DNAJA1: variants seen among roughly 807,000 people sequenced by gnomAD.
DNAJA1 encodes the protein DnaJ heat shock protein family (Hsp40) member A1, also known as dnaJ homolog subfamily A member 1.
Under a neutral mutation model 47.6 loss-of-function variants are expected in DNAJA1, and 26 were observed. That is an observed-to-expected ratio of 0.55 (90% CI 0.40 to 0.76). The LOEUF is 0.76. DNAJA1 is among the 30% of genes least tolerant of loss of function. The probability of loss-of-function intolerance (pLI) is 0.00; values close to 1 mark genes in which losing one functional copy is unlikely to be tolerated. For synonymous variants in DNAJA1, 165 were observed against 158.4 expected (o/e 1.04, Z -0.31); for missense variants, 315 against 485.0 (o/e 0.65, Z 3.29).
In DNAJA1 at chr9:33,038,995, T is replaced by C. The variant is rs758568855; in HGVS notation, c.*92T>C. The C allele has an allele frequency of 1.6e-6, 2 of 1,212,898 alleles. No homozygotes were observed. Among genetic ancestry groups the C allele is most frequent in the South Asian group, 2.7e-5 (2 of 73,446 alleles). 75.1% of individuals were successfully genotyped at this position (1,212,898 alleles called of 1,614,324 possible). On this transcript the variant is annotated 3_prime_UTR_variant, in exon 9 of 9. Transcript: ENST00000330899. Reference sequence around the variant, plus strand: ...TCATAATATGCTCACTACTTGCTCTTGTTTTTGTTTTAATAAACTATAGTA... The same window carrying C: ...TCATAATATGCTCACTACTTGCTCTCGTTTTTGTTTTAATAAACTATAGTA...
chr9:33,032,522 GTCATT>G (rs1838976477), intron 5 of DNAJA1, among the ~76,000 whole-genome samples: 1 of 152,174 alleles, frequency 6.6e-6, no homozygotes, highest in South Asian at 2.1e-4. Flanking sequence ...CTTGTTATGT[GTCATT>G]TCATTTAAAG....
intron 1 of DNAJA1, 39 bp from the exon 2 acceptor site, chr9:33,026,436 C>A: frequency 1.3e-6 from 2 of 1,574,258 alleles, no homozygotes; most frequent in South Asian, 2.4e-5. Context: ...TAAAAGCTAC[C>A]AGTTGAAAGC....
rs150851611 is a variant in DNAJA1 at position 33,028,362 on chromosome 9, C to G, written c.310+1372C>G. 7.2e-5 allele frequency among the ~76,000 whole-genome samples: 11 copies of G among 152,214 alleles called. No homozygotes were observed. In the East Asian group the frequency reaches 2.1e-3, roughly 29 times the overall value. On this transcript the variant is annotated intron_variant, in intron 3 of 8. Transcript: ENST00000330899. ...ATACTGCTTATAGGAGTAAAATGTTCAAGAGAAATCAGTCTCACTTTATTT... is the reference window on the plus strand; with the variant it reads ...ATACTGCTTATAGGAGTAAAATGTTGAAGAGAAATCAGTCTCACTTTATTT...
chr9:33,031,244 C>G (rs1248107769), intron 5 of DNAJA1, among the ~76,000 whole-genome samples: 1 of 152,046 alleles, frequency 6.6e-6, no homozygotes, highest in Non-Finnish European at 1.5e-5. Context: ...TTACAGGCAC[C>G]CAGCACCATG....
At chr9:33,027,762 A>G (rs1479237378) in intron 3 of DNAJA1, among the ~76,000 whole-genome samples, 1 of 152,008 alleles carries the variant, frequency 6.6e-6, no homozygotes, top group Non-Finnish European at 1.5e-5. Context: ...AGGCAGGAGA[A>G]TCGCTTGAAC....
At chr9:33,030,057 G>C (rs1838936667) in intron 4 of DNAJA1, 68 bp downstream of exon 4, 1 of 1,419,454 alleles carries the variant, frequency 7.0e-7, no homozygotes, top group Admixed American at 1.8e-5. Context: ...TGAAAATGGA[G>C]CTAAGACTTC....
At chr9:33,035,854 G>C (rs1027428130) in intron 6 of DNAJA1, among the ~76,000 whole-genome samples, 1 of 152,160 alleles carries the variant, frequency 6.6e-6, no homozygotes, top group Non-Finnish European at 1.5e-5. Context: ...AATATGAAAG[G>C]CTGTGTTCAC....
In DNAJA1 at chr9:33,039,022, T is replaced by C; in HGVS notation, c.*119T>C. The C allele has an allele frequency of 9.8e-7, 1 of 1,020,898 alleles. No homozygotes were observed. The highest frequency in any genetic ancestry group is 2.6e-5 in the East Asian group (1 of 38,106). 63.2% of individuals were successfully genotyped at this position (1,020,898 alleles called of 1,614,324 possible). A position where few individuals can be genotyped will look rare whatever the true frequency, so the allele number is the denominator to read the frequency against. On this transcript the variant is annotated 3_prime_UTR_variant, in exon 9 of 9. Transcript: ENST00000330899. ...TTTTTGTTTTAATAAACTATAGTAG[T>C]GTTTTAAAAAGTTAAATGAAGAATA... is the stretch of plus-strand genomic sequence containing the variant.
At chr9:33,032,224 C>G (rs1225326996) in intron 5 of DNAJA1, among the ~76,000 whole-genome samples, 1 of 152,248 alleles carries the variant, frequency 6.6e-6, no homozygotes. Flanking sequence ...ATACTGGCCT[C>G]TCTGACCCCC....
At chr9:33,035,478 AT>A (rs1003318471) in intron 6 of DNAJA1, among the ~76,000 whole-genome samples, 1 of 151,788 alleles carries the variant, frequency 6.6e-6, no homozygotes, top group Non-Finnish European at 1.5e-5. Context: ...TTATTTATTT[AT>A]TTTTTTTGAG....
intron 3 of DNAJA1, among the ~76,000 whole-genome samples, chr9:33,027,980 G>A (rs993213888): frequency 3.0e-5 from 4 of 132,744 alleles, no homozygotes; most frequent in African/African-American, 1.2e-4. Flanking sequence ...AGCTGAGATC[G>A]CCCAATTACA....
At chr9:33,032,499 G>GA (rs775592920) in intron 5 of DNAJA1, among the ~76,000 whole-genome samples, 1 of 152,040 alleles carries the variant, frequency 6.6e-6, no homozygotes, top group Non-Finnish European at 1.5e-5. Flanking sequence ...CAGCTGAGGG[G>GA]AAAAAAATTG....
chr9:33,033,120 A>C (rs1838985073), intron 5 of DNAJA1, among the ~76,000 whole-genome samples: 2 of 151,828 alleles, frequency 1.3e-5, no homozygotes, highest in South Asian at 4.2e-4. Flanking sequence ...ACCCTTACTG[A>C]ACTAAAATAT....
intron 3 of DNAJA1, among the ~76,000 whole-genome samples, chr9:33,028,144 G>C (rs1333816009): frequency 2.0e-5 from 3 of 151,892 alleles, no homozygotes; most frequent in Admixed American, 6.6e-5. Context: ...GGTAGGTACA[G>C]TGGCCTTTTT....
chr9:33,032,960 A>G lies in DNAJA1; in HGVS notation c.644-1256A>G, dbSNP rs546823519. On this transcript the variant is annotated intron_variant, in intron 5 of 8. Transcript: ENST00000330899. ...CTGTTGGCTCTGTTTATACAGGATT[A>G]ATATTTTCCATACGTAAAGGTGAAA... 9.9e-5 allele frequency among the ~76,000 whole-genome samples: 15 copies of G among 152,252 alleles called. No homozygotes were observed. The South Asian group carries it at 3.1e-3, about 32-fold the overall frequency.
chr9:33,028,942 G>T lies in DNAJA1; in HGVS notation c.311-943G>T, dbSNP rs117032464. ...GAAACGAGTTTGAGAACTTTTTTCA[G>T]TTGGTGGAAAGGCAATAATATTGTT... is the stretch of plus-strand genomic sequence containing the variant. On this transcript the variant is annotated intron_variant, in intron 3 of 8. Transcript: ENST00000330899. 6.4e-4 allele frequency among the ~76,000 whole-genome samples: 97 copies of T among 152,316 alleles called. 2 individuals carry two copies. In the East Asian group the frequency reaches 0.018, roughly 28 times the overall value.
chr9:33,037,906 G>C (rs7019073), intron 8 of DNAJA1, among the ~76,000 whole-genome samples: 49 of 152,170 alleles, frequency 3.2e-4, no homozygotes, highest in African/African-American at 1.1e-3. Context: ...TGGCAAAATA[G>C]TGTAATGCTT....
intron 5 of DNAJA1, 72 bp from the exon 6 acceptor site, chr9:33,034,144 A>G (rs1290205863): frequency 5.7e-6 from 6 of 1,047,864 alleles, no homozygotes; most frequent in South Asian, 1.6e-5. Context: ...ACAAACATCT[A>G]TGTATAGATT....
At chr9:33,037,142 C>T in intron 8 of DNAJA1, 27 bp downstream of exon 8, 2 of 1,591,938 alleles carry the variant, frequency 1.3e-6, no homozygotes, top group Non-Finnish European at 1.7e-6. Flanking sequence ...TTTAAGAATA[C>T]TTGAGAACAA....
Sources: allele counts gnomAD v4.1 joint callset (sites outside exome capture counted in the v4.1 genomes callset), GRCh38; gene constraint gnomAD v4.1.1; transcripts MANE v1.5; gene names NCBI Gene and HGNC (gene_info 2026-07-23, HGNC 2026-07-21).